The following LRRTM4 variants were observed in gnomAD, a reference collection of about 807,000 sequenced individuals.
The protein encoded by LRRTM4 is leucine-rich repeat transmembrane neuronal protein 4.
A neutral mutation model predicts 47.6 loss-of-function variants in LRRTM4; 25 were observed. The ratio of observed to expected loss-of-function variants is 0.53; its 90% confidence interval spans 0.38 to 0.73. The LOEUF is 0.73. LRRTM4 is among the 30% of genes least tolerant of loss of function. The pLI is 0.00. For missense variants in LRRTM4, 638 were observed against 713.4 expected, an observed-to-expected ratio of 0.89 and a Z score of 1.20; for synonymous variants, 311 against 269.5, an observed-to-expected ratio of 1.15 and a Z score of -1.51.
At chr2:76,950,987 T>C (rs183792180) in intron 3 of LRRTM4, among the ~76,000 whole-genome samples, 1 of 152,146 alleles carries the variant, frequency 6.6e-6, no homozygotes, top group Admixed American at 6.6e-5. Flanking sequence ...TCCATCAATG[T>C]GATTTAAGAA....
chr2:76,962,953 A>G (rs1252319527), intron 3 of LRRTM4, among the ~76,000 whole-genome samples: 2 of 150,784 alleles, frequency 1.3e-5, no homozygotes, highest in Non-Finnish European at 3.0e-5. Flanking sequence ...AAACACGTGC[A>G]CCATCAGATC....
chr2:76,827,413 G>T (rs1462714974), intron 3 of LRRTM4, among the ~76,000 whole-genome samples: 1 of 151,696 alleles, frequency 6.6e-6, no homozygotes, highest in Non-Finnish European at 1.5e-5. Context: ...ATGCATTGAT[G>T]GTTACTAAGC....
intron 3 of LRRTM4, among the ~76,000 whole-genome samples, chr2:77,514,710 T>A (rs1679144917): frequency 6.6e-6 from 1 of 151,936 alleles, no homozygotes; most frequent in Non-Finnish European, 1.5e-5. Context: ...TTTTAAATTT[T>A]CACCAATTTA....
At chr2:77,340,743 T>C (rs577061596) in intron 3 of LRRTM4, among the ~76,000 whole-genome samples, 5 of 151,950 alleles carry the variant, frequency 3.3e-5, no homozygotes, top group Admixed American at 1.3e-4. Flanking sequence ...TTGGCCTCCA[T>C]AACTCATGAT....
intron 3 of LRRTM4, among the ~76,000 whole-genome samples, chr2:77,514,371 T>A (rs929956023): frequency 5.3e-5 from 8 of 151,428 alleles, no homozygotes; most frequent in African/African-American, 1.9e-4. Flanking sequence ...AGTTAAGTGG[T>A]CTACTTTATA....
At chr2:77,454,494 A>G (rs1676437798) in intron 3 of LRRTM4, among the ~76,000 whole-genome samples, 1 of 152,164 alleles carries the variant, frequency 6.6e-6, no homozygotes, top group South Asian at 2.1e-4. Context: ...ATTGAATTGC[A>G]CCAACACAAA....
At chr2:77,155,930 A>G (rs2103795503) in intron 3 of LRRTM4, among the ~76,000 whole-genome samples, 1 of 152,322 alleles carries the variant, frequency 6.6e-6, no homozygotes, top group Non-Finnish European at 1.5e-5. Flanking sequence ...GCCTGAGGTA[A>G]TAGATATATG....
rs1009116406 is a variant in LRRTM4, at chr2:77,423,798, T to TA, written c.1551+94519dup. On this transcript the variant is annotated intron_variant, in intron 3 of 3. Coordinates refer to ENST00000409884, the MANE Select transcript of LRRTM4 (RefSeq NM_001134745.3). The stretch of plus-strand genomic sequence containing the variant: ...TATGAGTTTCATTTTCTAATCTGCA[T>TA]AAAAAAAGATAAGGTAGATGAAAAT... Among the ~76,000 whole-genome samples, 13 of 152,118 alleles carry TA rather than the reference T, an allele frequency of 8.5e-5. No individual in the cohort carries two copies. The East Asian group carries it at 1.9e-3, about 23-fold the overall frequency.
At chr2:77,321,376 A>T (rs1677783559) in intron 3 of LRRTM4, among the ~76,000 whole-genome samples, 1 of 152,030 alleles carries the variant, frequency 6.6e-6, no homozygotes, top group African/African-American at 2.4e-5. Flanking sequence ...AAATAAGAGT[A>T]TTTTCTGATC....
intron 3 of LRRTM4, among the ~76,000 whole-genome samples, chr2:77,234,847 C>T (rs1013933114): frequency 6.6e-6 from 1 of 152,080 alleles, no homozygotes; most frequent in East Asian, 1.9e-4. Flanking sequence ...TGAATTTTCT[C>T]ATCACTCAGA....
chr2:77,020,187 A>AAT (rs1678217104), intron 3 of LRRTM4, among the ~76,000 whole-genome samples: 1 of 151,830 alleles, frequency 6.6e-6, no homozygotes, highest in East Asian at 1.9e-4. Flanking sequence ...TAATAAAAAA[A>AAT]ATAGAAGGCA....
At chr2:77,050,343 C>T (rs181966340) in intron 3 of LRRTM4, among the ~76,000 whole-genome samples, 4 of 152,058 alleles carry the variant, frequency 2.6e-5, no homozygotes, top group Admixed American at 2.0e-4. Context: ...ATTCTCTACT[C>T]GAGGCCTAAT....
chr2:77,310,033 T>A (rs533309467), intron 3 of LRRTM4, among the ~76,000 whole-genome samples: 1 of 152,292 alleles, frequency 6.6e-6, no homozygotes, highest in South Asian at 2.1e-4. Context: ...ATATTTGCTA[T>A]CTTGCTCTTT....
intron 3 of LRRTM4, among the ~76,000 whole-genome samples, chr2:77,304,762 C>T (rs536520631): frequency 2.7e-4 from 41 of 152,106 alleles, no homozygotes; most frequent in Admixed American, 2.4e-3. Flanking sequence ...TACTCTTAAA[C>T]CAGGTGAAAT....
At chr2:77,110,839 G>C (rs1489223428) in intron 3 of LRRTM4, among the ~76,000 whole-genome samples, 3 of 152,134 alleles carry the variant, frequency 2.0e-5, no homozygotes, top group Non-Finnish European at 4.4e-5. Context: ...ATAGCCTTAA[G>C]ATATTAAGAT....
intron 3 of LRRTM4, among the ~76,000 whole-genome samples, chr2:77,240,936 G>A (rs561399614): frequency 2.8e-4 from 43 of 151,950 alleles, no homozygotes; most frequent in Middle Eastern, 3.4e-3. Flanking sequence ...TATGGATCAC[G>A]CTTATAGACA....
chr2:76,928,807 C>G (rs1674671174), intron 3 of LRRTM4, among the ~76,000 whole-genome samples: 1 of 151,932 alleles, frequency 6.6e-6, no homozygotes, highest in Admixed American at 6.6e-5. Flanking sequence ...TTGATTTACA[C>G]TGTGAAAAAA....
At chr2:77,161,174 T>G (rs553456227) in intron 3 of LRRTM4, among the ~76,000 whole-genome samples, 2 of 152,250 alleles carry the variant, frequency 1.3e-5, no homozygotes, top group Non-Finnish European at 2.9e-5. Flanking sequence ...TTGCTTGCCA[T>G]AGTAACCAGC....
intron 3 of LRRTM4, among the ~76,000 whole-genome samples, chr2:76,789,499 A>G (rs1280399952): frequency 6.6e-6 from 1 of 152,180 alleles, no homozygotes; most frequent in Non-Finnish European, 1.5e-5. Context: ...ACATGAATTA[A>G]GAGGAAAATT....
Sources: allele counts gnomAD v4.1 joint callset (sites outside exome capture counted in the v4.1 genomes callset), GRCh38; gene constraint gnomAD v4.1.1; transcripts MANE v1.5; gene names NCBI Gene and HGNC (gene_info 2026-07-23, HGNC 2026-07-21).